The following CPA6 variants were observed in gnomAD, a reference collection of about 807,000 sequenced individuals.
The protein encoded by CPA6 is carboxypeptidase B.
CPA6 carries 58 observed loss-of-function variants against 63.3 expected under a neutral mutation model. That is an observed-to-expected ratio of 0.92 (90% CI 0.74 to 1.14). CPA6 has a LOEUF of 1.14. Among genes scored for constraint, CPA6 ranks in the 50% most tolerant of loss-of-function variants. The pLI is 0.00. For missense variants in CPA6, 565 were observed against 526.6 expected (o/e 1.07, Z -0.71); for synonymous variants, 185 against 179.0 (o/e 1.03, Z -0.27).
chr8:67,728,413 A>G (rs1397407063), intron 1 of CPA6, among the ~76,000 whole-genome samples: 2 of 152,080 alleles, frequency 1.3e-5, no homozygotes, highest in Non-Finnish European at 2.9e-5. Context: ...CTTTACCTCT[A>G]TAGAATCTTG....
In CPA6 at chr8:67,499,819, T is replaced by A. The variant is rs1254332718; in HGVS notation, c.636+6968A>T. 3.3e-5 allele frequency among the ~76,000 whole-genome samples: 5 copies of A among 152,244 alleles called. No homozygotes were observed. The South Asian group carries it at 1.0e-3, about 31-fold the overall frequency. On this transcript the variant is annotated intron_variant, in intron 6 of 10. Coordinates refer to ENST00000297770, the MANE Select transcript of CPA6 (RefSeq NM_020361.5). ...AGATTCATCCAGGTTGCTGCATTTATCAATAATCTGTTCCTTTTAATTGTT... is the reference window on the plus strand; with the variant it reads ...AGATTCATCCAGGTTGCTGCATTTAACAATAATCTGTTCCTTTTAATTGTT...
At chr8:67,684,663 T>A (rs1428634454) in intron 1 of CPA6, among the ~76,000 whole-genome samples, 1 of 152,206 alleles carries the variant, frequency 6.6e-6, no homozygotes, top group Non-Finnish European at 1.5e-5. Flanking sequence ...AAGCGGGGCT[T>A]GCTCACCCTC....
In CPA6 at chr8:67,509,502, A is replaced by G. The variant is rs1305969137; in HGVS notation, c.534+15T>C. The G allele has an allele frequency of 9.2e-6, 11 of 1,193,468 alleles. No individual in the cohort carries two copies. The South Asian group carries it at 1.3e-4, about 14-fold the overall frequency. 73.9% of individuals were successfully genotyped at this position (1,193,468 alleles called of 1,614,324 possible). ...GTAAACATTATGTATTTACACAGCA[A>G]TTGCTTATTTTTACCTTTAAAATAA... is the stretch of plus-strand genomic sequence containing the variant. On this transcript the variant is annotated intron_variant, in intron 5 of 10. Coordinates refer to ENST00000297770, the MANE Select transcript of CPA6 (RefSeq NM_020361.5).
intron 8 of CPA6, among the ~76,000 whole-genome samples, chr8:67,465,203 TCTC>T (rs370753593): frequency 2.6e-5 from 4 of 152,352 alleles, no homozygotes; most frequent in African/African-American, 9.6e-5. Flanking sequence ...GTTTTGTAGT[TCTC>T]CTTGCAGAGA....
chr8:67,682,310 T>G (rs1301798520), intron 1 of CPA6, among the ~76,000 whole-genome samples: 1 of 152,228 alleles, frequency 6.6e-6, no homozygotes, highest in Non-Finnish European at 1.5e-5. Flanking sequence ...CTGTCTTGTC[T>G]AATCTGCTAT....
At chr8:67,536,055 T>C (rs1405194891) in intron 2 of CPA6, among the ~76,000 whole-genome samples, 4 of 152,176 alleles carry the variant, frequency 2.6e-5, no homozygotes, top group African/African-American at 9.7e-5. Context: ...TACTGTTCCA[T>C]TGGTCTATAT....
intron 3 of CPA6, among the ~76,000 whole-genome samples, chr8:67,513,568 G>A (rs1812084483): frequency 6.6e-6 from 1 of 152,154 alleles, no homozygotes; most frequent in Non-Finnish European, 1.5e-5. Context: ...ATTTCCAGTT[G>A]TTAAAGTCTG....
At chr8:67,650,766 C>T (rs907116518) in intron 1 of CPA6, among the ~76,000 whole-genome samples, 3 of 152,110 alleles carry the variant, frequency 2.0e-5, no homozygotes, top group Non-Finnish European at 4.4e-5. Flanking sequence ...TGATCCCACA[C>T]GCACTTGCCT....
At chr8:67,616,270 GT>G (rs762288048) in intron 2 of CPA6, among the ~76,000 whole-genome samples, 13 of 152,178 alleles carry the variant, frequency 8.5e-5, no homozygotes, top group Non-Finnish European at 1.3e-4. Flanking sequence ...CACTTAAAAG[GT>G]TTTAAGTAGA....
chr8:67,711,444 G>A (rs1215517158), intron 1 of CPA6, among the ~76,000 whole-genome samples: 2 of 152,136 alleles, frequency 1.3e-5, no homozygotes, highest in African/African-American at 4.8e-5. Context: ...TTAACTCATG[G>A]TACTGATTTC....
chr8:67,649,770 C>A (rs1815794936), intron 1 of CPA6, among the ~76,000 whole-genome samples: 1 of 152,018 alleles, frequency 6.6e-6, no homozygotes, highest in Non-Finnish European at 1.5e-5. Context: ...CTGGAAATTT[C>A]TAGGAAGCAA....
intron 8 of CPA6, among the ~76,000 whole-genome samples, chr8:67,476,338 A>G (rs1811236920): frequency 6.6e-6 from 1 of 152,164 alleles, no homozygotes; most frequent in Non-Finnish European, 1.5e-5. Context: ...TGTGGGCTAC[A>G]AAAATCTGCC....
chr8:67,691,455 C>T (rs182615113), intron 1 of CPA6, among the ~76,000 whole-genome samples: 78 of 152,284 alleles, frequency 5.1e-4, no homozygotes, highest in African/African-American at 1.7e-3. Context: ...TCATTTTTGC[C>T]TTTCTCTTTC....
chr8:67,492,185 G>A (rs1026832161), intron 6 of CPA6, among the ~76,000 whole-genome samples: 8 of 152,198 alleles, frequency 5.3e-5, no homozygotes, highest in Non-Finnish European at 1.0e-4. Flanking sequence ...CTCTAAATAT[G>A]CAGCCACAGG....
intron 1 of CPA6, among the ~76,000 whole-genome samples, chr8:67,717,311 G>A (rs1178370653): frequency 6.6e-6 from 1 of 152,228 alleles, no homozygotes; most frequent in Non-Finnish European, 1.5e-5. Flanking sequence ...GAGAGAGCTG[G>A]AAATAAGTGC....
chr8:67,595,582 C>A (rs1319546443), intron 2 of CPA6, among the ~76,000 whole-genome samples: 1 of 152,228 alleles, frequency 6.6e-6, no homozygotes, highest in Non-Finnish European at 1.5e-5. Context: ...CGAGCCTGGG[C>A]AATGGCGGGC....
intron 1 of CPA6, among the ~76,000 whole-genome samples, chr8:67,634,176 TTTA>T (rs1475399579): frequency 1.7e-5 from 2 of 118,328 alleles, no homozygotes; most frequent in Non-Finnish European, 3.4e-5. Flanking sequence ...AGTCACTGGA[TTTA>T]ATTATTATTA....
In CPA6 at chr8:67,428,101, G is replaced by GT. The variant is rs1280242536; in HGVS notation, c.1071dup (p.Leu358ThrfsTer24). 1.1e-5 allele frequency: 17 copies of GT among 1,612,870 alleles called. No homozygotes were observed. The highest frequency in any genetic ancestry group is 1.4e-5 in the Non-Finnish European group (17 of 1,179,148). On this transcript the variant is annotated frameshift_variant, in exon 10 of 11. Coordinates refer to ENST00000297770, the MANE Select transcript of CPA6 (RefSeq NM_020361.5). LOFTEE classifies it high-confidence loss of function. ...TATCGTACCCCGTATACTGACTGAAGTGCATTCACAGCTTTATAAGCTGCA... is the reference window on the plus strand; with the variant it reads ...TATCGTACCCCGTATACTGACTGAAGTTGCATTCACAGCTTTATAAGCTGCA...
In CPA6 at chr8:67,519,786, G is replaced by A. The variant is rs367818849; in HGVS notation, c.193-1739C>T. Among the ~76,000 whole-genome samples, 14 of 152,270 alleles carry A rather than the reference G, an allele frequency of 9.2e-5. 1 individual carries two copies. The East Asian group carries it at 9.7e-4, about 11-fold the overall frequency. ...GGACTGCACCAAACTCTCCCCAATA[G>A]GTGTGTCTAAACCACATCTTTTAGG... On this transcript the variant is annotated intron_variant, in intron 2 of 10. Coordinates refer to ENST00000297770, the MANE Select transcript of CPA6 (RefSeq NM_020361.5).
Sources: gnomAD v4.1 joint callset for allele counts (sites outside exome capture counted in the v4.1 genomes callset) on GRCh38, gnomAD v4.1.1 for gene constraint, MANE v1.5 for transcripts, NCBI Gene and HGNC (gene_info 2026-07-23, HGNC 2026-07-21) for gene names.